The following PRKG1 variants were observed in gnomAD, a reference collection of about 807,000 sequenced individuals.
The protein encoded by PRKG1 is protein kinase cGMP-dependent 1.
Under a neutral mutation model 88.1 loss-of-function variants are expected in PRKG1, and 35 were observed. That is an observed-to-expected ratio of 0.40 (90% CI 0.30 to 0.53). PRKG1 has a LOEUF of 0.53. PRKG1 is among the 20% of genes least tolerant of loss of function. PRKG1 has a pLI of 0.59. For missense variants in PRKG1, 540 were observed against 839.8 expected, an observed-to-expected ratio of 0.64 and a Z score of 4.41; for synonymous variants, 303 against 292.5, an observed-to-expected ratio of 1.04 and a Z score of -0.37.
intron 3 of PRKG1, among the ~76,000 whole-genome samples, chr10:51,561,076 G>A (rs1369566210): frequency 6.6e-6 from 1 of 151,004 alleles, no homozygotes; most frequent in Non-Finnish European, 1.5e-5. Flanking sequence ...GTGAGACCCT[G>A]TATCTAAAAA....
intron 5 of PRKG1, among the ~76,000 whole-genome samples, chr10:51,990,271 T>C (rs915949159): frequency 1.3e-5 from 2 of 152,298 alleles, no homozygotes; most frequent in East Asian, 3.9e-4. Context: ...CTGTGTTGCC[T>C]GTAGGTATGT....
chr10:52,195,766 AT>A (rs1029431237), intron 9 of PRKG1, among the ~76,000 whole-genome samples: 1 of 152,102 alleles, frequency 6.6e-6, no homozygotes, highest in African/African-American at 2.4e-5. Context: ...TTAATTAAAT[AT>A]TTTTATCAAT....
chr10:51,088,510 C>T (rs7079409), intron 1 of PRKG1, among the ~76,000 whole-genome samples: 135,182 of 151,964 alleles, frequency 0.89, 60,343 homozygotes, highest in African/African-American at 0.97. Context: ...ATCTGAAAAT[C>T]AGTGGTTGTA....
chr10:52,131,461 G>C (rs539891929), intron 7 of PRKG1, among the ~76,000 whole-genome samples: 1 of 152,106 alleles, frequency 6.6e-6, no homozygotes, highest in African/African-American at 2.4e-5. Flanking sequence ...GAGATAAGAA[G>C]GGGTGAACTA....
chr10:51,312,130 C>T (rs1841204607), intron 2 of PRKG1, among the ~76,000 whole-genome samples: 2 of 152,158 alleles, frequency 1.3e-5, no homozygotes, highest in African/African-American at 2.4e-5. Context: ...CCTCGGCCTC[C>T]AAAAGTGCTG....
intron 2 of PRKG1, among the ~76,000 whole-genome samples, chr10:51,335,220 C>T (rs1202026772): frequency 6.6e-6 from 1 of 151,748 alleles, no homozygotes; most frequent in African/African-American, 2.4e-5. Context: ...CACCGCTTGT[C>T]AGGTTTCTTA....
At chr10:51,524,491 A>G (rs1440808173) in intron 3 of PRKG1, among the ~76,000 whole-genome samples, 1 of 152,192 alleles carries the variant, frequency 6.6e-6, no homozygotes, top group African/African-American at 2.4e-5. Context: ...TAAAAGTGAA[A>G]TTTCAATTTT....
At chr10:52,117,153 A>T (rs1847705664) in intron 7 of PRKG1, among the ~76,000 whole-genome samples, 1 of 112,978 alleles carries the variant, frequency 8.9e-6, no homozygotes, top group South Asian at 3.3e-4. Context: ...ATGGATATCT[A>T]TGTGAAATAT....
At chr10:51,893,099 G>A (rs747739868) in intron 4 of PRKG1, among the ~76,000 whole-genome samples, 15 of 152,044 alleles carry the variant, frequency 9.9e-5, no homozygotes, top group Non-Finnish European at 1.9e-4. Flanking sequence ...GCATTTCAGA[G>A]GCAATTTAAT....
intron 4 of PRKG1, among the ~76,000 whole-genome samples, chr10:51,873,454 C>T (rs1841209343): frequency 1.3e-5 from 2 of 151,866 alleles, no homozygotes; most frequent in African/African-American, 4.8e-5. Context: ...TTTTATTTAT[C>T]CACCTGTCTA....
chr10:51,956,307 G>A (rs1407012166), intron 5 of PRKG1, among the ~76,000 whole-genome samples: 3 of 151,684 alleles, frequency 2.0e-5, no homozygotes, highest in African/African-American at 7.3e-5. Context: ...AGTTTCCACA[G>A]GAATACATAT....
intron 6 of PRKG1, among the ~76,000 whole-genome samples, chr10:52,058,253 A>C (rs1042595951): frequency 3.3e-5 from 5 of 152,102 alleles, no homozygotes; most frequent in Non-Finnish European, 7.4e-5. Flanking sequence ...GCCACATTGC[A>C]ATAGCTGCTA....
At chr10:52,248,100 A>T (rs866861320) in intron 9 of PRKG1, among the ~76,000 whole-genome samples, 2 of 152,366 alleles carry the variant, frequency 1.3e-5, no homozygotes, top group South Asian at 2.1e-4. Flanking sequence ...CGCTCATGCT[A>T]TTGTTTGTGG....
intron 8 of PRKG1, among the ~76,000 whole-genome samples, chr10:52,152,175 T>A (rs1837946183): frequency 2.0e-5 from 3 of 152,160 alleles, no homozygotes; most frequent in Admixed American, 6.6e-5. Flanking sequence ...GCTAGTCATA[T>A]CCTGGGCACA....
chr10:51,157,273 GA>G (rs1846238871), intron 2 of PRKG1, among the ~76,000 whole-genome samples: 1 of 151,884 alleles, frequency 6.6e-6, no homozygotes, highest in Non-Finnish European at 1.5e-5. Flanking sequence ...CTACCTAGTA[GA>G]AGTTTCGATT....
At chr10:51,351,751 A>G (rs1842252646) in intron 2 of PRKG1, among the ~76,000 whole-genome samples, 1 of 151,948 alleles carries the variant, frequency 6.6e-6, no homozygotes, top group Non-Finnish European at 1.5e-5. Context: ...GTTTAATTAG[A>G]TCCCAGTTTT....
chr10:52,082,175 G>A (rs539314411), intron 7 of PRKG1, among the ~76,000 whole-genome samples: 5 of 152,202 alleles, frequency 3.3e-5, no homozygotes, highest in South Asian at 2.1e-4. Flanking sequence ...AAATGACTCA[G>A]TATCGAAAGA....
intron 3 of PRKG1, among the ~76,000 whole-genome samples, chr10:51,480,207 G>A (rs894161950): frequency 1.3e-5 from 2 of 152,086 alleles, no homozygotes; most frequent in Admixed American, 6.6e-5. Flanking sequence ...AGAAAAATGT[G>A]TTAGTCCATG....
intron 3 of PRKG1, among the ~76,000 whole-genome samples, chr10:51,731,008 T>C (rs569324815): frequency 6.6e-6 from 1 of 152,046 alleles, no homozygotes; most frequent in African/African-American, 2.4e-5. Flanking sequence ...ATATAAAAAT[T>C]AGCCGAGTGT....
Sources: allele counts gnomAD v4.1 joint callset (sites outside exome capture counted in the v4.1 genomes callset), GRCh38; gene constraint gnomAD v4.1.1; transcripts MANE v1.5; gene names NCBI Gene and HGNC (gene_info 2026-07-23, HGNC 2026-07-21).